The following C5orf46 variants were observed in gnomAD, a reference collection of about 807,000 sequenced individuals.
C5orf46 encodes the protein uncharacterized protein C5orf46.
In C5orf46, 9 loss-of-function variants were observed where a neutral mutation model predicts 8.9. The ratio of observed to expected loss-of-function variants is 1.01; its 90% CI spans 0.61 to 1.76. The LOEUF is 1.76. Among genes scored for constraint, C5orf46 ranks in the 40% most tolerant of loss-of-function variants. C5orf46 has a pLI of 0.00. For missense variants in C5orf46, 98 were observed against 107.8 expected (o/e 0.91, Z 0.40); for synonymous variants, 47 against 41.4 (o/e 1.14, Z -0.52).
intron 3 of C5orf46, among the ~76,000 whole-genome samples, chr5:147,893,721 T>G (rs1757537924): frequency 6.6e-6 from 1 of 151,952 alleles, no homozygotes; most frequent in African/African-American, 2.4e-5. Context: ...TTTGTATTTT[T>G]AGTAGAGACA....
At chr5:147,903,038 G>A (rs1357181601) in intron 1 of C5orf46, among the ~76,000 whole-genome samples, 3 of 152,162 alleles carry the variant, frequency 2.0e-5, no homozygotes, top group Admixed American at 6.5e-5. Context: ...TGGAATGAGG[G>A]CCAAGGATCC....
intron 1 of C5orf46, among the ~76,000 whole-genome samples, chr5:147,903,072 G>A (rs1757696108): frequency 6.6e-6 from 1 of 152,182 alleles, no homozygotes; most frequent in Non-Finnish European, 1.5e-5. Context: ...TTATATTCAA[G>A]GTCCCTTGGG....
chr5:147,901,745 C>CTTGTCGTCTGGCTTGTCTGGT lies in C5orf46; in HGVS notation c.78_98dup (p.Lys29_Asp35dup). ...TTGGGTCTTTGCCCGAGTCGTCTGG[C>CTTGTCGTCTGGCTTGTCTGGT]TTGTCGTCTGGCTTGTCTGGTTTGT... On this transcript the variant is annotated inframe_insertion, in exon 2 of 4. Coordinates refer to ENST00000318315, the MANE Select transcript of C5orf46 (RefSeq NM_206966.3). 1 of 1,613,830 alleles carries CTTGTCGTCTGGCTTGTCTGGT rather than the reference C, an allele frequency of 6.2e-7. No homozygotes were observed. Among genetic ancestry groups the CTTGTCGTCTGGCTTGTCTGGT allele is most frequent in the Non-Finnish European group, 8.5e-7 (1 of 1,179,910 alleles).
In C5orf46 at chr5:147,892,781, G is replaced by T. The variant is rs970590263; in HGVS notation, c.*168C>A. On this transcript the variant is annotated 3_prime_UTR_variant, in exon 4 of 4. Coordinates refer to ENST00000318315, the MANE Select transcript of C5orf46 (RefSeq NM_206966.3). ...TTCTAAAAGCAAAAATGCAGTCAGG[G>T]TGTTCAAAATGAGTTCTGTTTGGTT... 1 of 152,176 alleles carries T rather than the reference G, an allele frequency of 6.6e-6. No homozygotes were observed. Among genetic ancestry groups the T allele is most frequent in the Admixed American group, 6.5e-5 (1 of 15,274 alleles). 9.4% of individuals were successfully genotyped at this position (152,176 alleles called of 1,614,324 possible).
intron 1 of C5orf46, among the ~76,000 whole-genome samples, chr5:147,905,928 A>G (rs887765272): frequency 2.0e-5 from 3 of 152,214 alleles, no homozygotes; most frequent in Non-Finnish European, 4.4e-5. Flanking sequence ...ACTATCAACC[A>G]GGTACCCTTC....
At chr5:147,889,385 G>A (rs535264267), downstream of C5orf46, among the ~76,000 whole-genome samples, 8 of 152,166 alleles carry the variant, frequency 5.3e-5, no homozygotes, top group Middle Eastern at 3.4e-3. Flanking sequence ...GGGAATAATC[G>A]GATTAGTGTG....
At chr5:147,894,784 G>T (rs549517875) in intron 3 of C5orf46, among the ~76,000 whole-genome samples, 1 of 151,608 alleles carries the variant, frequency 6.6e-6, no homozygotes, top group African/African-American at 2.4e-5. Context: ...GGGATCGGCC[G>T]GGAATGGTGG....
At chr5:147,903,245 T>C (rs1265610481) in intron 1 of C5orf46, among the ~76,000 whole-genome samples, 1 of 152,210 alleles carries the variant, frequency 6.6e-6, no homozygotes, top group African/African-American at 2.4e-5. Flanking sequence ...GTTACCAGAC[T>C]GGGTACATAA....
At chr5:147,893,703 C>T (rs531979167) in intron 3 of C5orf46, among the ~76,000 whole-genome samples, 14 of 151,970 alleles carry the variant, frequency 9.2e-5, no homozygotes, top group African/African-American at 3.1e-4. Context: ...CCACCATGCC[C>T]GGCTAATTTT....
downstream of C5orf46, among the ~76,000 whole-genome samples, chr5:147,891,999 T>C (rs1757509504): frequency 6.6e-6 from 1 of 152,208 alleles, no homozygotes; most frequent in Non-Finnish European, 1.5e-5. Context: ...TTTCAGAGTT[T>C]ATGTGTTTGG....
chr5:147,891,178 C>T (rs1162857144), downstream of C5orf46, among the ~76,000 whole-genome samples: 6 of 152,186 alleles, frequency 3.9e-5, no homozygotes, highest in African/African-American at 7.2e-5. Flanking sequence ...TCAGTTTCTT[C>T]ACCTGTCATA....
At chr5:147,886,589 AGAG>A (rs1330703623) in intron 2 of C5orf46, 1 of 151,320 alleles carries the variant, frequency 6.6e-6, no homozygotes, top group Non-Finnish European at 1.5e-5. Flanking sequence ...TCCACAAATT[AGAG>A]GAAACCACTG....
At chr5:147,893,859 C>T (rs1416734047) in intron 3 of C5orf46, among the ~76,000 whole-genome samples, 4 of 151,632 alleles carry the variant, frequency 2.6e-5, no homozygotes, top group Non-Finnish European at 4.4e-5. Context: ...CCAGCCATCA[C>T]ATAAATCTTA....
At chr5:147,887,641 G>C (rs756035610) in intron 2 of C5orf46, 18 of 152,074 alleles carry the variant, frequency 1.2e-4, no homozygotes, top group Non-Finnish European at 2.2e-4. Flanking sequence ...ACAGTGTAAA[G>C]GGAGAGATAG....
intron 2 of C5orf46, chr5:147,887,719 A>G (rs1354370093): frequency 6.6e-6 from 1 of 152,164 alleles, no homozygotes; most frequent in Admixed American, 6.5e-5. Context: ...AAGGAAAAGA[A>G]TAGGATCCTA....
intron 1 of C5orf46, among the ~76,000 whole-genome samples, chr5:147,905,861 G>A (rs2127133639): frequency 6.6e-6 from 1 of 152,272 alleles, no homozygotes; most frequent in Non-Finnish European, 1.5e-5. Context: ...GGATTACTAT[G>A]AGAACCAAAT....
At chr5:147,899,187 T>C (rs1757629790) in intron 2 of C5orf46, among the ~76,000 whole-genome samples, 1 of 152,174 alleles carries the variant, frequency 6.6e-6, no homozygotes, top group East Asian at 1.9e-4. Context: ...CTCATTTTTA[T>C]TTATGGCATT....
chr5:147,888,008 C>A (rs1458051935), downstream of C5orf46, among the ~76,000 whole-genome samples: 1 of 152,122 alleles, frequency 6.6e-6, no homozygotes, highest in Non-Finnish European at 1.5e-5. Context: ...CTGTATTTAT[C>A]CTAAGAGCCC....
downstream of C5orf46, among the ~76,000 whole-genome samples, chr5:147,888,812 T>C (rs982194976): frequency 1.9e-4 from 29 of 152,320 alleles, no homozygotes; most frequent in African/African-American, 7.0e-4. Flanking sequence ...AGTATTTAAA[T>C]TGTGTGGTTT....
Sources: gnomAD v4.1 joint callset for allele counts (sites outside exome capture counted in the v4.1 genomes callset) on GRCh38, gnomAD v4.1.1 for gene constraint, MANE v1.5 for transcripts, NCBI Gene and HGNC (gene_info 2026-07-23, HGNC 2026-07-21) for gene names.